Variants in TJP2 observed in about 807,000 individuals in gnomAD.
TJP2 encodes tight junction protein 2, also known as Friedreich ataxia region gene X104 (tight junction protein ZO-2).
Under a neutral mutation model 133.1 loss-of-function variants are expected in TJP2, and 91 were observed. The ratio of observed to expected loss-of-function variants is 0.68; its 90% CI spans 0.58 to 0.81. The LOEUF is 0.81. Among genes scored for constraint, TJP2 ranks in the 40% least tolerant of loss-of-function variants. TJP2 has a pLI of 0.00. For missense variants in TJP2, 1,541 were observed against 1,565.6 expected (o/e 0.98, Z 0.26); for synonymous variants, 592 against 583.4 (o/e 1.01, Z -0.21).
At chr9:69,137,263 T>C (rs1193182145) in intron 1 of TJP2, among the ~76,000 whole-genome samples, 8 of 80,362 alleles carry the variant, frequency 1.0e-4, no homozygotes, top group Non-Finnish European at 1.1e-4. Context: ...CTTTCTTTCT[T>C]TCTTTCTTTT....
At chr9:69,136,275 T>C (rs2133262365) in intron 1 of TJP2, among the ~76,000 whole-genome samples, 1 of 152,290 alleles carries the variant, frequency 6.6e-6, no homozygotes, top group South Asian at 2.1e-4. Flanking sequence ...TCCCAGCACT[T>C]TGGGAGGCCA....
chr9:69,240,082 A>G lies in TJP2; in HGVS notation c.2501A>G (p.Lys834Arg). The change falls in exon 17 of 23, where the codon AAA (lysine) becomes AGA (arginine). Residue 834 changes from lysine to arginine, a missense_variant. Coordinates refer to ENST00000377245, the MANE Select transcript of TJP2 (RefSeq NM_004817.4). ...CAAAGGTTAAATCCAACGTCCAACA[A>G]AAGTTCTCGAAAGTTATTTGATCAA... Reference protein sequence around the residue: ...MRQRLNPTSNKSSRKLFDQAN... With the variant: ...MRQRLNPTSNRSSRKLFDQAN... The G allele has an allele frequency of 1.9e-6, 3 of 1,614,180 alleles. No homozygotes were observed. The Middle Eastern group carries it at 4.9e-4, about 266-fold the overall frequency.
intron 17 of TJP2, among the ~76,000 whole-genome samples, chr9:69,240,386 T>A (rs556789405): frequency 3.3e-5 from 5 of 152,202 alleles, no homozygotes; most frequent in Non-Finnish European, 7.3e-5. Flanking sequence ...ATTAGCTATT[T>A]TGATGAAGTT....
At chr9:69,161,094 C>T (rs537894356) in intron 2 of TJP2, among the ~76,000 whole-genome samples, 1 of 152,122 alleles carries the variant, frequency 6.6e-6, no homozygotes. Context: ...GTCACAAAAA[C>T]CAAAGTTAAG....
chr9:69,168,452 C>A (rs1824477047), intron 2 of TJP2, among the ~76,000 whole-genome samples: 1 of 151,934 alleles, frequency 6.6e-6, no homozygotes, highest in Non-Finnish European at 1.5e-5. Context: ...AAGTTAATTA[C>A]CCCCACCCTC....
At chr9:69,184,385 A>G (rs920047748) in intron 1 of TJP2, among the ~76,000 whole-genome samples, 5 of 152,200 alleles carry the variant, frequency 3.3e-5, no homozygotes, top group African/African-American at 1.2e-4. Flanking sequence ...CCTTCTCAGC[A>G]TCTCCAGCCT....
chr9:69,151,838 AC>A, intron 2 of TJP2: 1 of 1,227,134 alleles, frequency 8.1e-7, no homozygotes, highest in Non-Finnish European at 1.0e-6. Flanking sequence ...TCGAATAGTT[AC>A]CGTTTTCACA....
At chr9:69,252,670 GC>G in intron 21 of TJP2, 144 bp from the exon 22 acceptor site, 1 of 770,308 alleles carries the variant, frequency 1.3e-6, no homozygotes. Context: ...AAATGAGGAG[GC>G]CGCTTCTGTG....
intron 1 of TJP2, among the ~76,000 whole-genome samples, chr9:69,125,090 T>C (rs1822269252): frequency 2.7e-5 from 2 of 73,394 alleles, no homozygotes; most frequent in Non-Finnish European, 6.1e-5. Context: ...GTAGCTGGGT[T>C]TACAGGCATG....
chr9:69,237,096 C>G lies in TJP2; in HGVS notation c.2139C>G (p.Ser713Arg). The G allele has an allele frequency of 6.2e-7, 1 of 1,614,090 alleles. No individual in the cohort carries two copies. Among genetic ancestry groups the G allele is most frequent in the South Asian group, 1.1e-5 (1 of 91,080 alleles). ...ACCTCACAGCTGTTGTGTCTGTCAG[C>G]ACCAAGTTCCCAGCTTATGAGAGGG... is the stretch of plus-strand genomic sequence containing the variant. ...REDLTAVVSV[S>R]TKFPAYERVL... The change falls in exon 14 of 23, where the codon AGC (serine) becomes AGG (arginine). Residue 713 changes from serine to arginine, a missense_variant. Ser to Arg is a moderately radical substitution (Grantham distance 110). Coordinates refer to ENST00000377245, the MANE Select transcript of TJP2 (RefSeq NM_004817.4).
intron 2 of TJP2, among the ~76,000 whole-genome samples, chr9:69,213,465 T>C (rs768493826): frequency 3.3e-5 from 5 of 152,216 alleles, no homozygotes; most frequent in Non-Finnish European, 5.9e-5. Flanking sequence ...TCCTCCAAGG[T>C]CTGACATCTC....
At chr9:69,219,430 G>A (rs1259279185) in intron 4 of TJP2, among the ~76,000 whole-genome samples, 1 of 151,892 alleles carries the variant, frequency 6.6e-6, no homozygotes, top group East Asian at 1.9e-4. Flanking sequence ...TGTCTTTCTG[G>A]GCAACCATGC....
intron 2 of TJP2, among the ~76,000 whole-genome samples, chr9:69,216,002 G>A (rs1828345740): frequency 6.6e-6 from 1 of 152,198 alleles, no homozygotes; most frequent in Admixed American, 6.5e-5. Flanking sequence ...CCAGCATGAT[G>A]CAAAGAGGTA....
chr9:69,209,335 T>C (rs1827681150), intron 1 of TJP2, among the ~76,000 whole-genome samples: 1 of 151,998 alleles, frequency 6.6e-6, no homozygotes, highest in Admixed American at 6.6e-5. Context: ...GGTTTCACCA[T>C]GTTGGCCAGG....
rs74523274 is a variant in TJP2, at chr9:69,246,929, A to G, written c.2667+139A>G. 9,718 of 773,660 alleles carry G rather than the reference A, an allele frequency of 0.013. 479 individuals carry two copies. The highest frequency in any genetic ancestry group is 0.12 in the African/African-American group (7,269 of 58,232). The allele number at this position is 773,660 out of a possible 1,614,324, so 47.9% of individuals were successfully genotyped here. A position where few individuals can be genotyped will look rare whatever the true frequency, so the allele number is the denominator to read the frequency against. ...GCTAATCAAGTTTGAAATTTCGTAA[A>G]TTCTCTGACCAAGTAATAAAAATGA... On this transcript the variant is annotated intron_variant, in intron 18 of 22. Transcript: ENST00000377245.
rs1469669261 is a variant in TJP2 at position 69,216,477 on chromosome 9, C to G, written c.239+14C>G. The G allele has an allele frequency of 1.2e-6, 2 of 1,613,944 alleles. No homozygotes were observed. The highest frequency in any genetic ancestry group is 1.7e-6 in the Non-Finnish European group (2 of 1,180,006). On this transcript the variant is annotated intron_variant, in intron 3 of 22. Coordinates refer to ENST00000377245, the MANE Select transcript of TJP2 (RefSeq NM_004817.4). ...TGGGCTGCTCCAGTGAGTGTCCTCC[C>G]TCGCTCCGCAGCCCCTACCAGCCCT...
chr9:69,210,295 CCCCCA>C (rs1411423545), intron 1 of TJP2, among the ~76,000 whole-genome samples: 4 of 50,222 alleles, frequency 8.0e-5, no homozygotes, highest in Admixed American at 2.1e-4. Context: ...TCCCCCCCCC[CCCCCA>C]AAAAAAAAAA....
chr9:69,135,667 G>A (rs958614286), intron 1 of TJP2, among the ~76,000 whole-genome samples: 7 of 151,476 alleles, frequency 4.6e-5, no homozygotes, highest in African/African-American at 1.2e-4. Flanking sequence ...GTGCAGTGGC[G>A]TGATCTCGGC....
chr9:69,181,146 C>A, intron 1 of TJP2, among the ~76,000 whole-genome samples: 1 of 151,422 alleles, frequency 6.6e-6, no homozygotes, highest in Admixed American at 6.6e-5. Flanking sequence ...AGAATTTCAT[C>A]TAGACCATTT....
Sources: gnomAD v4.1 joint callset for allele counts (sites outside exome capture counted in the v4.1 genomes callset) on GRCh38, gnomAD v4.1.1 for gene constraint, MANE v1.5 for transcripts, NCBI Gene and HGNC (gene_info 2026-07-23, HGNC 2026-07-21) for gene names.